The following MAPK6 variants were observed in gnomAD, a reference collection of about 807,000 sequenced individuals.
MAPK6 encodes the protein ERK-3.
MAPK6 carries 19 observed loss-of-function variants against 59.3 expected under a neutral mutation model. That is an observed-to-expected ratio of 0.32 (90% CI 0.22 to 0.47). The LOEUF is 0.47. MAPK6 is among the 20% of genes least tolerant of loss of function. The probability of loss-of-function intolerance (pLI) is 1.00; values close to 1 mark genes in which losing one functional copy is unlikely to be tolerated. For synonymous variants in MAPK6, 316 were observed against 290.3 expected, an observed-to-expected ratio of 1.09 and a Z score of -0.90; for missense variants, 724 against 847.9, an observed-to-expected ratio of 0.85 and a Z score of 1.81.
chr15:52,064,343 C>A lies in MAPK6; in HGVS notation c.1509C>A (p.Ala503=), dbSNP rs1420822804. ...GTGAAAGGAATGGATTGGTTAAAGCCCAGATAGCGCTAGAGGAAGCATCAC... is the reference window on the plus strand; with the variant it reads ...GTGAAAGGAATGGATTGGTTAAAGCACAGATAGCGCTAGAGGAAGCATCAC... The part of the protein sequence containing the change: ...SKCERNGLVK[A]QIALEEASQQ... The change falls in exon 6 of 6, where the codon GCC becomes GCA. Residue 503 remains alanine, a synonymous_variant. Coordinates refer to ENST00000261845, the MANE Select transcript of MAPK6 (RefSeq NM_002748.4). The A allele has an allele frequency of 1.2e-6, 2 of 1,610,832 alleles. No individual in the cohort carries two copies. The highest frequency in any genetic ancestry group is 1.7e-6 in the Non-Finnish European group (2 of 1,179,522).
At position 52,046,569 on chromosome 15, in the gene MAPK6, G is replaced by C. The variant is rs2031598013; in HGVS notation, c.109G>C (p.Ala37Pro). 1 of 1,613,984 alleles carries C rather than the reference G, an allele frequency of 6.2e-7. No homozygotes were observed. The highest frequency in any genetic ancestry group is 1.7e-5 in the Admixed American group (1 of 60,000). The change falls in exon 2 of 6, where the codon GCT becomes CCT. Residue 37 changes from alanine to proline, a missense_variant. This residue lies in a region of MAPK6 where 30 missense variants were observed against 55.3 expected (regional missense o/e 0.54). Coordinates refer to ENST00000261845, the MANE Select transcript of MAPK6 (RefSeq NM_002748.4). ...GCGGNGLVFS[A>P]VDNDCDKRVA... ...TGGAGGCAATGGCTTGGTTTTTTCTGCTGTAGACAATGACTGTGACAAAAG... is the reference window on the plus strand; with the variant it reads ...TGGAGGCAATGGCTTGGTTTTTTCTCCTGTAGACAATGACTGTGACAAAAG...
Position 52,042,265 on chromosome 15 carries a change from C to T in MAPK6, c.-631-3565C>T, listed in dbSNP as rs1441487218. On this transcript the variant is annotated intron_variant, in intron 1 of 5. Coordinates refer to ENST00000261845, the MANE Select transcript of MAPK6 (RefSeq NM_002748.4). ...GCACTGCCATTGTAAATCTTTTTCTCCCCCAGATGTTTAACTGGTATAATC... is the reference window on the plus strand; with the variant it reads ...GCACTGCCATTGTAAATCTTTTTCTTCCCCAGATGTTTAACTGGTATAATC... Among the ~76,000 whole-genome samples the T allele has an allele frequency of 2.6e-5, 4 of 152,276 alleles. No homozygotes were observed. The East Asian group carries it at 7.7e-4, about 29-fold the overall frequency.
rs549438786 is a variant in MAPK6, at chr15:51,991,144, T to TAC, written c.-770+7830_-770+7831insCA. On this transcript the variant is annotated intron_variant, in intron 2 of 7. Transcript: ENST00000691380. The stretch of plus-strand genomic sequence containing the variant: ...ATTCCATCTCAAAAAGAAATATATA[T>TAC]ATATACACACACACACACACACACA... 1.0e-3 allele frequency among the ~76,000 whole-genome samples: 108 copies of TAC among 104,304 alleles called. 1 individual carries two copies. In the East Asian group the frequency reaches 0.019, roughly 19 times the overall value. 68.4% of individuals were successfully genotyped at this position (104,304 alleles called of 152,430 possible).
chr15:52,046,423 T>G lies in MAPK6; in HGVS notation c.-38T>G. The G allele has an allele frequency of 6.8e-7, 1 of 1,472,700 alleles. No individual in the cohort carries two copies. The highest frequency in any genetic ancestry group is 9.2e-7 in the Non-Finnish European group (1 of 1,088,114). The allele number at this position is 1,472,700 out of a possible 1,614,324, so 91.2% of individuals were successfully genotyped here. On this transcript the variant is annotated 5_prime_UTR_variant, in exon 2 of 6. Transcript: ENST00000261845. Reference sequence around the variant, plus strand: ...AGTTTTCTTCCTTGTTTACACAAGTTCAATTTGAAAGGAAAAGGCAATAGT... The same window carrying G: ...AGTTTTCTTCCTTGTTTACACAAGTGCAATTTGAAAGGAAAAGGCAATAGT...
chr15:51,993,970 CT>C, intron 2 of MAPK6, among the ~76,000 whole-genome samples: 1 of 149,328 alleles, frequency 6.7e-6, no homozygotes, highest in South Asian at 2.1e-4. Flanking sequence ...TTTATTTATA[CT>C]TTTTTTGAGA....
intron 1 of MAPK6, among the ~76,000 whole-genome samples, chr15:51,982,362 A>C (rs2057176949): frequency 6.6e-6 from 1 of 152,218 alleles, no homozygotes. Flanking sequence ...AGAGGAGATA[A>C]TGCTGAATTT....
chr15:52,010,809 G>A (rs533225030), intron 3 of MAPK6, among the ~76,000 whole-genome samples: 6 of 152,314 alleles, frequency 3.9e-5, no homozygotes, highest in East Asian at 3.9e-4. Context: ...GTGAGCCACC[G>A]CGCCTGGCGG....
intron 1 of MAPK6, among the ~76,000 whole-genome samples, chr15:52,031,139 G>A (rs2031016651): frequency 6.6e-6 from 1 of 151,932 alleles, no homozygotes; most frequent in South Asian, 2.1e-4. Flanking sequence ...CCCCCTGTTG[G>A]CCAGGCTGGT....
At chr15:51,977,214 G>T (rs1043120002) in intron 1 of MAPK6, among the ~76,000 whole-genome samples, 2 of 151,516 alleles carry the variant, frequency 1.3e-5, no homozygotes, top group Non-Finnish European at 2.9e-5. Context: ...TATTGTCCAG[G>T]CTGGTCTCGA....
intron 1 of MAPK6, among the ~76,000 whole-genome samples, chr15:52,035,350 T>C (rs1229678975): frequency 2.0e-5 from 3 of 151,956 alleles, no homozygotes; most frequent in South Asian, 2.1e-4. Context: ...TCAAAACCCA[T>C]AGGGGGCCGG....
intron 1 of MAPK6, among the ~76,000 whole-genome samples, chr15:51,974,726 C>T (rs1270598186): frequency 7.0e-6 from 1 of 142,156 alleles, no homozygotes; most frequent in African/African-American, 2.7e-5. Context: ...TTTCTTTTTT[C>T]CCCCCCCGCA....
intron 1 of MAPK6, among the ~76,000 whole-genome samples, chr15:52,027,129 G>A (rs997022141): frequency 9.9e-5 from 15 of 151,672 alleles, no homozygotes; most frequent in Non-Finnish European, 1.9e-4. Flanking sequence ...CGAGGCGGGC[G>A]GATCACAAGG....
In MAPK6 at chr15:52,066,064, A is replaced by ATTTTG. The variant is rs1483587223; in HGVS notation, c.*1069_*1073dup. 4 of 152,734 alleles carry ATTTTG rather than the reference A, an allele frequency of 2.6e-5. No homozygotes were observed. The South Asian group carries it at 8.3e-4, about 32-fold the overall frequency. 9.5% of individuals were successfully genotyped at this position (152,734 alleles called of 1,614,324 possible). On this transcript the variant is annotated 3_prime_UTR_variant, in exon 6 of 6. Coordinates refer to ENST00000261845, the MANE Select transcript of MAPK6 (RefSeq NM_002748.4). ...GTTTGAAAGTTGTACATGATAAGAC[A>ATTTTG]TTTTGTTTTTACTGTATGTTTTTAC...
At chr15:51,991,656 G>A (rs1036929556) in intron 2 of MAPK6, among the ~76,000 whole-genome samples, 65 of 152,334 alleles carry the variant, frequency 4.3e-4, no homozygotes, top group African/African-American at 1.5e-3. Context: ...CTATGTCATA[G>A]ATACATACAC....
intron 1 of MAPK6, among the ~76,000 whole-genome samples, chr15:52,024,878 CTTTTTTT>C (rs35983896): frequency 1.2e-4 from 10 of 84,148 alleles, no homozygotes; most frequent in African/African-American, 4.0e-4. Context: ...CATACACTGC[CTTTTTTT>C]TTTTTTTTTT....
rs2031437920 is a variant in MAPK6 at position 52,042,032 on chromosome 15, AAAT to A, written c.-631-3794_-631-3792del. ...CTGACACAAATACTTATCAAATACC[AAAT>A]AATGGAACGTGACTGAATTGGAAAC... On this transcript the variant is annotated intron_variant, in intron 1 of 5. Transcript: ENST00000261845. Among the ~76,000 whole-genome samples, 7 of 152,348 alleles carry A rather than the reference AAAT, an allele frequency of 4.6e-5. No individual in the cohort carries two copies. In the South Asian group the frequency reaches 1.5e-3, roughly 32 times the overall value.
At chr15:52,017,703 T>C (rs567366598), upstream of MAPK6, 1 of 152,416 alleles carries the variant, frequency 6.6e-6, no homozygotes, top group Admixed American at 6.5e-5. Flanking sequence ...TAAATGCTCC[T>C]TGAGGGAAGG....
chr15:51,983,691 C>T (rs2057181835), intron 2 of MAPK6, among the ~76,000 whole-genome samples: 1 of 151,928 alleles, frequency 6.6e-6, no homozygotes, highest in Admixed American at 6.6e-5. Flanking sequence ...CCTGTAGTCC[C>T]AGCTACTTTG....
rs745385038 is a variant in MAPK6 at position 51,993,026 on chromosome 15, C to T, written c.-770+9711C>T. Among the ~76,000 whole-genome samples, 32 of 152,116 alleles carry T rather than the reference C, an allele frequency of 2.1e-4. 1 individual carries two copies. Among genetic ancestry groups the T allele is most frequent in the Admixed American group, 5.9e-4 (9 of 15,262 alleles). On this transcript the variant is annotated intron_variant, in intron 2 of 7. Coordinates refer to the MAPK6 transcript ENST00000691380. ...TGCTGGTCAGCTCAACCTTCAACCT[C>T]TCTCCCCTCCCTGGAGGTCTATGGT...
Sources: allele counts gnomAD v4.1 joint callset (sites outside exome capture counted in the v4.1 genomes callset), GRCh38; gene constraint gnomAD v4.1.1; regional missense constraint gnomAD v4.1.1; transcripts MANE v1.5; gene names NCBI Gene and HGNC (gene_info 2026-07-23, HGNC 2026-07-21).